Variants in GULP1 observed in about 807,000 individuals in gnomAD.
GULP1 encodes the protein PTB domain-containing engulfment adapter protein 1.
In GULP1, 19 loss-of-function variants were observed where a neutral mutation model predicts 40.9. The observed-to-expected ratio is 0.46, with a 90% confidence interval of 0.32 to 0.68. The LOEUF (loss-of-function observed/expected upper bound fraction) is 0.68. GULP1 is among the 30% of genes least tolerant of loss of function. The pLI is 0.03. For synonymous variants in GULP1, 119 were observed against 117.6 expected (o/e 1.01, Z -0.08); for missense variants, 312 against 362.2 (o/e 0.86, Z 1.12).
rs530717624 is a variant in GULP1, at chr2:188,294,984, A to G, written c.-172+2818A>G. Among the ~76,000 whole-genome samples the G allele has an allele frequency of 1.3e-4, 20 of 152,212 alleles. 1 individual carries two copies. The highest frequency in any genetic ancestry group is 6.3e-3 in the Middle Eastern group (2 of 316). On this transcript the variant is annotated intron_variant, in intron 1 of 11. Coordinates refer to ENST00000409830, the MANE Select transcript of GULP1 (RefSeq NM_016315.4). ...ACATTTTAATCATAGCTTTAATTTAATCATACATTTTAATTTTTGAGGATA... is the reference window on the plus strand; with the variant it reads ...ACATTTTAATCATAGCTTTAATTTAGTCATACATTTTAATTTTTGAGGATA...
chr2:188,334,990 C>T (rs1458901623), intron 1 of GULP1, among the ~76,000 whole-genome samples: 2 of 152,148 alleles, frequency 1.3e-5, no homozygotes, highest in Non-Finnish European at 2.9e-5. Flanking sequence ...CTTGAAGGCA[C>T]TTCAGGCACA....
At chr2:188,504,434 T>C (rs776819318) in intron 4 of GULP1, among the ~76,000 whole-genome samples, 7 of 151,914 alleles carry the variant, frequency 4.6e-5, no homozygotes, top group Non-Finnish European at 7.4e-5. Flanking sequence ...TATTTCATGG[T>C]TTTATAAATT....
intron 1 of GULP1, among the ~76,000 whole-genome samples, chr2:188,353,934 C>T (rs1228110909): frequency 6.6e-6 from 1 of 151,998 alleles, no homozygotes; most frequent in Non-Finnish European, 1.5e-5. Context: ...GCAGAGCTGA[C>T]ATGGTACCCT....
intron 4 of GULP1, among the ~76,000 whole-genome samples, chr2:188,495,058 T>C (rs2062772452): frequency 6.6e-6 from 1 of 152,086 alleles, no homozygotes. Flanking sequence ...ATTGCTTATT[T>C]AGTTGTCAGT....
intron 2 of GULP1, among the ~76,000 whole-genome samples, chr2:188,395,425 C>G (rs977868020): frequency 1.3e-5 from 2 of 152,154 alleles, no homozygotes; most frequent in African/African-American, 4.8e-5. Flanking sequence ...TACTGACCTC[C>G]CATGGAAGAA....
intron 1 of GULP1, among the ~76,000 whole-genome samples, chr2:188,324,629 A>G (rs1047264826): frequency 6.6e-6 from 1 of 151,954 alleles, no homozygotes; most frequent in African/African-American, 2.4e-5. Context: ...TATTAAATAA[A>G]TTAAATATCA....
intron 2 of GULP1, among the ~76,000 whole-genome samples, chr2:188,417,416 C>T (rs1456571555): frequency 2.0e-5 from 3 of 152,116 alleles, no homozygotes; most frequent in Non-Finnish European, 2.9e-5. Flanking sequence ...AGATGAGCTT[C>T]GTCAGCAAGA....
At chr2:188,348,150 A>G (rs937111416) in intron 1 of GULP1, among the ~76,000 whole-genome samples, 9 of 152,222 alleles carry the variant, frequency 5.9e-5, no homozygotes, top group African/African-American at 9.6e-5. Flanking sequence ...CAAAATATTT[A>G]TTATAATGAG....
intron 1 of GULP1, among the ~76,000 whole-genome samples, chr2:188,328,484 G>T (rs1431444056): frequency 6.6e-6 from 1 of 152,072 alleles, no homozygotes; most frequent in South Asian, 2.1e-4. Context: ...AACTGAGGTG[G>T]CCTAGGAGGT....
At chr2:188,558,581 G>A (rs945246514) in intron 7 of GULP1, among the ~76,000 whole-genome samples, 1 of 152,184 alleles carries the variant, frequency 6.6e-6, no homozygotes, top group African/African-American at 2.4e-5. Context: ...AGTGGCTTTG[G>A]AACTGGGTAA....
Position 188,292,892 on chromosome 2 carries a change from T to C in GULP1, c.-172+726T>C, listed in dbSNP as rs2034092650. The C allele has an allele frequency of 6.6e-6, 1 of 152,534 alleles. No individual in the cohort carries two copies. Among genetic ancestry groups the C allele is most frequent in the Non-Finnish European group, 1.5e-5 (1 of 68,308 alleles). The allele number at this position is 152,534 out of a possible 1,614,324, so 9.4% of individuals were successfully genotyped here. A position where few individuals can be genotyped will look rare whatever the true frequency, so the allele number is the denominator to read the frequency against. ...TTGGGTTCTCGCTCCGACTGCTAAA[T>C]TCGCTTGGCCGGGTCCACCTTCTCG... On this transcript the variant is annotated intron_variant, in intron 1 of 11. Coordinates refer to ENST00000409830, the MANE Select transcript of GULP1 (RefSeq NM_016315.4). This position sits in a 1 kb window ranked among gnomAD's most constrained non-coding sequence, Gnocchi z 4.0.
chr2:188,552,117 G>T (rs945413218), intron 7 of GULP1, among the ~76,000 whole-genome samples: 11 of 151,484 alleles, frequency 7.3e-5, no homozygotes, highest in Non-Finnish European at 1.6e-4. Flanking sequence ...CAATTCAAAA[G>T]TTGTTTCTTC....
At position 188,475,393 on chromosome 2, in the gene GULP1, GT is replaced by G. The variant is rs545319653; in HGVS notation, c.-44-2257del. ...TGAACTTTATATAATTATGTGAAGA[GT>G]TTTTTTTTGTTGTTATTCTTGTTCC... is the stretch of plus-strand genomic sequence containing the variant. On this transcript the variant is annotated intron_variant, in intron 2 of 11. Transcript: ENST00000409830. 7.9e-5 allele frequency among the ~76,000 whole-genome samples: 12 copies of G among 151,042 alleles called. No homozygotes were observed. In the East Asian group the frequency reaches 9.7e-4, roughly 12 times the overall value.
At position 188,452,399 on chromosome 2, in the gene GULP1, A is replaced by T. The variant is rs531562929; in HGVS notation, c.-44-25260A>T. Among the ~76,000 whole-genome samples, 63 of 152,324 alleles carry T rather than the reference A, an allele frequency of 4.1e-4. 1 individual carries two copies. The highest frequency in any genetic ancestry group is 1.4e-3 in the African/African-American group (57 of 41,572). ...GGATATAAAAATGCAAAATAAAGAG[A>T]TAGATCACATAGTTCAAGTCTCCTT... On this transcript the variant is annotated intron_variant, in intron 2 of 11. Transcript: ENST00000409830.
At chr2:188,402,899 G>A (rs1266449584) in intron 2 of GULP1, among the ~76,000 whole-genome samples, 7 of 152,170 alleles carry the variant, frequency 4.6e-5, no homozygotes, top group African/African-American at 1.7e-4. Flanking sequence ...TCTTCATAGG[G>A]AAATTTTGTT....
chr2:188,462,206 T>C (rs574700640), intron 2 of GULP1, among the ~76,000 whole-genome samples: 1 of 152,302 alleles, frequency 6.6e-6, no homozygotes, highest in South Asian at 2.1e-4. Flanking sequence ...CAGGAGCATA[T>C]TGTGTAATTT....
chr2:188,367,380 G>T (rs1380009752), intron 1 of GULP1, among the ~76,000 whole-genome samples: 2 of 152,148 alleles, frequency 1.3e-5, no homozygotes, highest in Admixed American at 6.5e-5. Flanking sequence ...GATGTCCAAG[G>T]TTTCCCAAGA....
intron 1 of GULP1, among the ~76,000 whole-genome samples, chr2:188,365,035 T>A (rs755558375): frequency 6.6e-6 from 1 of 152,028 alleles, no homozygotes; most frequent in African/African-American, 2.4e-5. Context: ...GTGATCTAAG[T>A]TCTGGAGGCA....
chr2:188,360,538 A>T (rs2045942759), intron 1 of GULP1, among the ~76,000 whole-genome samples: 2 of 151,910 alleles, frequency 1.3e-5, no homozygotes, highest in Admixed American at 6.6e-5. Flanking sequence ...CACCTGTGAA[A>T]TCTTTATTCT....
Sources: gnomAD v4.1 joint callset for allele counts (sites outside exome capture counted in the v4.1 genomes callset) on GRCh38, gnomAD v4.1.1 for gene constraint, Gnocchi (gnomAD v3.1) non-coding constraint, MANE v1.5 for transcripts, NCBI Gene and HGNC (gene_info 2026-07-23, HGNC 2026-07-21) for gene names.